FRMD4A: variants seen among roughly 807,000 people sequenced by gnomAD.
FRMD4A encodes FERM domain-containing protein 4A.
A neutral mutation model predicts 129.1 loss-of-function variants in FRMD4A; 29 were observed. The observed-to-expected ratio is 0.22, with a 90% confidence interval of 0.17 to 0.31. FRMD4A has a LOEUF of 0.31. Among genes scored for constraint, FRMD4A ranks in the 10% least tolerant of loss-of-function variants. The pLI, the probability that FRMD4A is intolerant of heterozygous loss-of-function variation, is 1.00. For missense variants in FRMD4A, 1,272 were observed against 1,375.8 expected (o/e 0.92, Z 1.19); for synonymous variants, 634 against 571.6 (o/e 1.11, Z -1.56).
At chr10:13,950,472 C>T (rs2095363503) in intron 2 of FRMD4A, among the ~76,000 whole-genome samples, 1 of 152,140 alleles carries the variant, frequency 6.6e-6, no homozygotes, top group Non-Finnish European at 1.5e-5. Context: ...ACTAGAGGTG[C>T]CTATGGTAGG....
chr10:13,716,700 C>T (rs1448852808), intron 12 of FRMD4A, among the ~76,000 whole-genome samples: 1 of 152,162 alleles, frequency 6.6e-6, no homozygotes, highest in Non-Finnish European at 1.5e-5. Context: ...CTCTTAGCTT[C>T]CTTTGGCTTA....
chr10:14,303,882 T>C (rs983893003), intron 2 of FRMD4A, among the ~76,000 whole-genome samples: 1 of 152,220 alleles, frequency 6.6e-6, no homozygotes, highest in African/African-American at 2.4e-5. Context: ...TAGAACCATA[T>C]GCTATTTGTC....
At chr10:14,127,054 G>A (rs1030607239) in intron 2 of FRMD4A, among the ~76,000 whole-genome samples, 5 of 152,204 alleles carry the variant, frequency 3.3e-5, no homozygotes, top group African/African-American at 1.2e-4. Context: ...ATTAACTGCA[G>A]CATCATGTAA....
In FRMD4A at chr10:13,657,023, C is replaced by T. The variant is rs760614196; in HGVS notation, c.2566G>A (p.Asp856Asn). 3.8e-6 allele frequency: 6 copies of T among 1,569,314 alleles called. No homozygotes were observed. The East Asian group carries it at 7.2e-5, about 19-fold the overall frequency. The change falls in exon 22 of 25, where the codon GAC (aspartate) becomes AAC (asparagine). Residue 856 changes from aspartate to asparagine, a missense_variant. Asp to Asn is a conservative substitution (Grantham distance 23, BLOSUM62 1). Transcript: ENST00000357447. ...TTGACGCTGTAGTGGCCCTCCTGGT[C>T]GCTCTCCAGGCTGCGCACCACCACG... Reference protein sequence around the residue: ...TPVVVRSLESDQEGHYSVKAQ... With the variant: ...TPVVVRSLESNQEGHYSVKAQ...
chr10:13,877,186 C>T (rs192497892), intron 2 of FRMD4A, among the ~76,000 whole-genome samples: 5 of 152,274 alleles, frequency 3.3e-5, no homozygotes, highest in Admixed American at 3.3e-4. Flanking sequence ...TTCCAAATTC[C>T]ACCCTTGGGT....
chr10:13,845,389 C>G lies in FRMD4A; in HGVS notation c.111+13458G>C, dbSNP rs534874467. Among the ~76,000 whole-genome samples, 50 of 152,228 alleles carry G rather than the reference C, an allele frequency of 3.3e-4. 1 individual carries two copies. In the South Asian group the frequency reaches 9.0e-3, roughly 27 times the overall value. On this transcript the variant is annotated intron_variant, in intron 3 of 24. Transcript: ENST00000357447. The stretch of plus-strand genomic sequence containing the variant: ...AGACATTTTTTGATGGACTGTCAAC[C>G]CATCACTTTTCAAGTGAACTGATAC...
chr10:14,057,973 C>A (rs1186495351), intron 2 of FRMD4A, among the ~76,000 whole-genome samples: 1 of 152,202 alleles, frequency 6.6e-6, no homozygotes, highest in African/African-American at 2.4e-5. Flanking sequence ...ACAAAACTCA[C>A]TCAGAAATAA....
chr10:14,252,100 T>C (rs1250932232), intron 2 of FRMD4A, among the ~76,000 whole-genome samples: 4 of 152,236 alleles, frequency 2.6e-5, no homozygotes, highest in African/African-American at 4.8e-5. Flanking sequence ...GAATGTCCAA[T>C]GCCCTTATCC....
chr10:14,286,590 C>A (rs76112259), intron 2 of FRMD4A, among the ~76,000 whole-genome samples: 128 of 152,304 alleles, frequency 8.4e-4, no homozygotes, highest in African/African-American at 2.5e-3. Context: ...TCTAATAACA[C>A]CCTGGAAGTC....
At chr10:13,715,240 C>A (rs1366820613) in intron 12 of FRMD4A, among the ~76,000 whole-genome samples, 2 of 152,146 alleles carry the variant, frequency 1.3e-5, no homozygotes, top group African/African-American at 4.8e-5. Flanking sequence ...CCCTCTCCAT[C>A]TTAGCTTCGT....
chr10:13,828,385 C>G (rs1169274872), intron 3 of FRMD4A, among the ~76,000 whole-genome samples: 1 of 152,164 alleles, frequency 6.6e-6, no homozygotes, highest in African/African-American at 2.4e-5. Context: ...TAAGTGAGAA[C>G]ATGTGTATTT....
At chr10:13,958,287 T>TG (rs2095422609) in intron 2 of FRMD4A, among the ~76,000 whole-genome samples, 2 of 144,764 alleles carry the variant, frequency 1.4e-5, no homozygotes. Flanking sequence ...CATTGTTTTT[T>TG]TTTTTTTTTT....
intron 2 of FRMD4A, among the ~76,000 whole-genome samples, chr10:14,139,116 T>A (rs1029234945): frequency 6.6e-6 from 1 of 152,250 alleles, no homozygotes; most frequent in Non-Finnish European, 1.5e-5. Context: ...CATTCTTGTT[T>A]GTATTGTTAC....
intron 17 of FRMD4A, among the ~76,000 whole-genome samples, chr10:13,669,600 C>G (rs2083350863): frequency 6.6e-6 from 1 of 152,224 alleles, no homozygotes; most frequent in Non-Finnish European, 1.5e-5. Flanking sequence ...GCTCTAAGTC[C>G]TGACCTTTTA....
At chr10:13,840,785 T>C (rs1168391199) in intron 3 of FRMD4A, among the ~76,000 whole-genome samples, 4 of 70,906 alleles carry the variant, frequency 5.6e-5, no homozygotes, top group Non-Finnish European at 7.4e-5. Context: ...TGAGACTCTG[T>C]CTCAAAAAAA....
chr10:14,148,727 A>G (rs945734724), intron 2 of FRMD4A, among the ~76,000 whole-genome samples: 2 of 151,302 alleles, frequency 1.3e-5, no homozygotes, highest in African/African-American at 4.9e-5. Flanking sequence ...GCGCCACTGC[A>G]CTCCAGCCTA....
chr10:14,011,837 C>T (rs1392063484), intron 2 of FRMD4A, among the ~76,000 whole-genome samples: 2 of 151,996 alleles, frequency 1.3e-5, no homozygotes, highest in Admixed American at 6.5e-5. Flanking sequence ...AGTGAAACCC[C>T]GTCTCTACTA....
chr10:14,271,439 G>T (rs1250007511), intron 2 of FRMD4A, among the ~76,000 whole-genome samples: 1 of 152,176 alleles, frequency 6.6e-6, no homozygotes, highest in Non-Finnish European at 1.5e-5. Flanking sequence ...ATTCACACTG[G>T]GACATGAACC....
intron 12 of FRMD4A, among the ~76,000 whole-genome samples, chr10:13,731,121 C>G (rs563506785): frequency 6.6e-6 from 1 of 152,116 alleles, no homozygotes; most frequent in East Asian, 1.9e-4. Flanking sequence ...CCGTCAGCAC[C>G]GTACTTGGAT....
Sources: gnomAD v4.1 joint callset for allele counts (sites outside exome capture counted in the v4.1 genomes callset) on GRCh38, gnomAD v4.1.1 for gene constraint, MANE v1.5 for transcripts, NCBI Gene and HGNC (gene_info 2026-07-23, HGNC 2026-07-21) for gene names.